The following ZMYND8 variants were observed in gnomAD, a reference collection of about 807,000 sequenced individuals.
ZMYND8 encodes zinc finger MYND-type containing 8, also known as MYND-type zinc finger-containing chromatin reader ZMYND8.
A neutral mutation model predicts 140.8 loss-of-function variants in ZMYND8; 37 were observed. That is an observed-to-expected ratio of 0.26 (90% confidence interval 0.20 to 0.35). The LOEUF (loss-of-function observed/expected upper bound fraction) is 0.35, where lower values mean the gene tolerates loss of function less well. Ranked by LOEUF, ZMYND8 falls within the 10% of genes least tolerant of loss-of-function variation. The pLI is 1.00. For missense variants in ZMYND8, 1,068 were observed against 1,570.0 expected, an observed-to-expected ratio of 0.68 and a Z score of 5.40; for synonymous variants, 592 against 597.1, an observed-to-expected ratio of 0.99 and a Z score of 0.12.
chr20:47,282,350 C>G, intron 9 of ZMYND8, 133 bp from the exon 10 acceptor site: 1 of 696,670 alleles, frequency 1.4e-6, no homozygotes, highest in Non-Finnish European at 2.3e-6. Context: ...CAAGCAGGGT[C>G]GGCCTGTGTG....
chr20:47,222,976 G>C (rs767090197), intron 19 of ZMYND8, among the ~76,000 whole-genome samples: 4 of 152,116 alleles, frequency 2.6e-5, no homozygotes, highest in Non-Finnish European at 4.4e-5. Context: ...GAAACCACAT[G>C]GTGTACAAAG....
intron 2 of ZMYND8, among the ~76,000 whole-genome samples, chr20:47,345,842 A>AG (rs1223501574): frequency 0.01 from 256 of 25,150 alleles, no homozygotes; most frequent in South Asian, 0.036. Context: ...TGGGGGCGGG[A>AG]GGGGGGGGTC....
At chr20:47,288,015 T>C (rs903911527) in intron 7 of ZMYND8, among the ~76,000 whole-genome samples, 2 of 152,208 alleles carry the variant, frequency 1.3e-5, no homozygotes, top group Non-Finnish European at 2.9e-5. Flanking sequence ...CAGGTCTAAC[T>C]CTACACTAAA....
chr20:47,290,970 A>G lies in ZMYND8; in HGVS notation c.661-696T>C, dbSNP rs554922448. 2.1e-3 allele frequency among the ~76,000 whole-genome samples: 322 copies of G among 152,304 alleles called. 1 individual carries two copies. Among genetic ancestry groups the G allele is most frequent in the African/African-American group, 7.5e-3 (313 of 41,556 alleles). On this transcript the variant is annotated intron_variant, in intron 6 of 22. Coordinates refer to ENST00000471951, the MANE Select transcript of ZMYND8 (RefSeq NM_001281775.3). ...CACAAACCTCACAATAATTTAATGA[A>G]GTACTTATTATCATACCCATTTTAC... is the stretch of plus-strand genomic sequence containing the variant.
chr20:47,214,834 G>C (rs1352399482), intron 21 of ZMYND8, among the ~76,000 whole-genome samples: 1 of 152,142 alleles, frequency 6.6e-6, no homozygotes, highest in African/African-American at 2.4e-5. Context: ...AGCCCCGGGT[G>C]CACCTCAATC....
At chr20:47,344,957 A>C (rs766082396) in intron 2 of ZMYND8, among the ~76,000 whole-genome samples, 1 of 152,058 alleles carries the variant, frequency 6.6e-6, no homozygotes. Flanking sequence ...TACAAAAAAA[A>C]AATTTTTTTA....
chr20:47,257,388 C>T (rs2074818810), intron 12 of ZMYND8, among the ~76,000 whole-genome samples: 1 of 151,806 alleles, frequency 6.6e-6, no homozygotes, highest in Admixed American at 6.6e-5. Context: ...TACTCACATA[C>T]CATATACACA....
intron 21 of ZMYND8, among the ~76,000 whole-genome samples, chr20:47,219,463 T>C (rs921212335): frequency 4.6e-5 from 7 of 150,912 alleles, no homozygotes; most frequent in Admixed American, 1.3e-4. Context: ...GAGGCGGAGG[T>C]TGCAGTGAGC....
intron 16 of ZMYND8, among the ~76,000 whole-genome samples, chr20:47,234,481 G>T (rs1178874982): frequency 6.6e-6 from 1 of 152,186 alleles, no homozygotes; most frequent in Non-Finnish European, 1.5e-5. Context: ...CTTGAGAGTG[G>T]ATCCTTTCCC....
intron 12 of ZMYND8, among the ~76,000 whole-genome samples, chr20:47,261,274 T>C (rs1285997134): frequency 6.6e-6 from 1 of 152,062 alleles, no homozygotes; most frequent in Non-Finnish European, 1.5e-5. Flanking sequence ...CAGTGACTTA[T>C]GCCTGTAATC....
intron 13 of ZMYND8, among the ~76,000 whole-genome samples, 177 bp downstream of exon 13, chr20:47,249,101 AATTAACTAG>A (rs1428067318): frequency 1.3e-5 from 2 of 152,218 alleles, no homozygotes; most frequent in Non-Finnish European, 2.9e-5. Flanking sequence ...AAAAGCCCTG[AATTAACTAG>A]CAAGTCTGAA....
chr20:47,285,286 C>T (rs926772171), intron 8 of ZMYND8, among the ~76,000 whole-genome samples: 15 of 152,306 alleles, frequency 9.8e-5, no homozygotes, highest in African/African-American at 3.6e-4. Flanking sequence ...CAAGGTGCCA[C>T]ATATTTAACA....
chr20:47,285,646 C>T (rs2147905689), intron 8 of ZMYND8: 2 of 976,492 alleles, frequency 2.0e-6, no homozygotes, highest in African/African-American at 1.8e-5. Flanking sequence ...TAGTTTTATT[C>T]CTAAAAATTA....
At chr20:47,290,155 A>T in intron 7 of ZMYND8, 32 bp downstream of exon 7, 1 of 1,596,818 alleles carries the variant, frequency 6.3e-7, no homozygotes. Context: ...TACACAGCAT[A>T]CTCTTTCTTA....
intron 11 of ZMYND8, among the ~76,000 whole-genome samples, chr20:47,268,241 G>A (rs1327354710): frequency 6.6e-6 from 1 of 151,324 alleles, no homozygotes. Context: ...TGCATCACTT[G>A]AGGTCAGGAG....
At chr20:47,242,823 G>T (rs1568969080) in intron 14 of ZMYND8, among the ~76,000 whole-genome samples, 1 of 152,150 alleles carries the variant, frequency 6.6e-6, no homozygotes, top group Non-Finnish European at 1.5e-5. Flanking sequence ...GAGACAAAAT[G>T]AGGCTACAGG....
intron 16 of ZMYND8, among the ~76,000 whole-genome samples, chr20:47,231,936 C>T (rs535137753): frequency 6.6e-6 from 1 of 152,354 alleles, no homozygotes; most frequent in African/African-American, 2.4e-5. Context: ...ACTTCAACAT[C>T]GGTAAAGAAC....
intron 21 of ZMYND8, among the ~76,000 whole-genome samples, chr20:47,213,652 CAA>C (rs2035619849): frequency 6.6e-6 from 1 of 151,942 alleles, no homozygotes. Context: ...GATGGACTGC[CAA>C]AAGAGGGGTC....
At chr20:47,233,032 G>A (rs1165226485) in intron 16 of ZMYND8, among the ~76,000 whole-genome samples, 1 of 151,140 alleles carries the variant, frequency 6.6e-6, no homozygotes, top group Non-Finnish European at 1.5e-5. Flanking sequence ...TCAGCCTCCT[G>A]AGTAGCTGGG....
Sources: gnomAD v4.1 joint callset for allele counts (sites outside exome capture counted in the v4.1 genomes callset) on GRCh38, gnomAD v4.1.1 for gene constraint, MANE v1.5 for transcripts, NCBI Gene and HGNC (gene_info 2026-07-23, HGNC 2026-07-21) for gene names.